HMGB1: variants seen among roughly 807,000 people sequenced by gnomAD.
HMGB1 encodes the protein high mobility group box 1.
For synonymous variants in HMGB1, 81 were observed against 84.0 expected, an observed-to-expected ratio of 0.96 and a Z score of 0.19; for missense variants, 79 against 253.5, an observed-to-expected ratio of 0.31 and a Z score of 4.67.
intron 1 of HMGB1, among the ~76,000 whole-genome samples, chr13:30,612,700 C>A (rs1950523529): frequency 1.3e-5 from 2 of 152,172 alleles, no homozygotes; most frequent in South Asian, 4.1e-4. Flanking sequence ...ATCAATTCAC[C>A]CTGAAGTGAC....
At chr13:30,591,775 C>T (rs1871384068) in intron 1 of HMGB1, among the ~76,000 whole-genome samples, 1 of 151,990 alleles carries the variant, frequency 6.6e-6, no homozygotes. Flanking sequence ...CATGCCTGGC[C>T]ACAACAGGGA....
At chr13:30,492,986 C>A (rs1887532694) in intron 1 of HMGB1, among the ~76,000 whole-genome samples, 1 of 112,404 alleles carries the variant, frequency 8.9e-6, no homozygotes, top group Non-Finnish European at 1.7e-5. Context: ...CGAAGTGAGA[C>A]TACATCTCAA....
chr13:30,594,812 T>C (rs1593334374), intron 1 of HMGB1, among the ~76,000 whole-genome samples: 1 of 152,164 alleles, frequency 6.6e-6, no homozygotes, highest in South Asian at 2.1e-4. Context: ...GTAGAACTAA[T>C]TTGCATTCCC....
chr13:30,608,495 A>G (rs184200588), intron 1 of HMGB1, among the ~76,000 whole-genome samples: 1 of 152,310 alleles, frequency 6.6e-6, no homozygotes, highest in Admixed American at 6.5e-5. Flanking sequence ...TTACCGTAAT[A>G]TTCATGGCTG....
chr13:30,491,202 G>T (rs1241682061), intron 1 of HMGB1, among the ~76,000 whole-genome samples: 1 of 151,842 alleles, frequency 6.6e-6, no homozygotes, highest in Non-Finnish European at 1.5e-5. Context: ...CTAATTTTTT[G>T]TATTTTTAGT....
chr13:30,587,732 G>C (rs143075684), intron 1 of HMGB1, among the ~76,000 whole-genome samples: 1 of 152,010 alleles, frequency 6.6e-6, no homozygotes, highest in Non-Finnish European at 1.5e-5. Flanking sequence ...ATTCTCATAG[G>C]GCTATTATAA....
At chr13:30,560,052 AATT>A (rs1333736383) in intron 1 of HMGB1, among the ~76,000 whole-genome samples, 5 of 152,268 alleles carry the variant, frequency 3.3e-5, no homozygotes, top group Non-Finnish European at 2.9e-5. Context: ...TGATTTGTGT[AATT>A]ATTTGATTGT....
At chr13:30,497,023 T>C (rs1887623485) in intron 1 of HMGB1, among the ~76,000 whole-genome samples, 2 of 152,194 alleles carry the variant, frequency 1.3e-5, no homozygotes, top group South Asian at 4.2e-4. Flanking sequence ...CAGCCTTCAG[T>C]CTTTCTCCCC....
chr13:30,492,645 T>C (rs1422004835), intron 1 of HMGB1, among the ~76,000 whole-genome samples: 1 of 152,154 alleles, frequency 6.6e-6, no homozygotes, highest in Non-Finnish European at 1.5e-5. Context: ...GTACAACTGC[T>C]GATAGGAATG....
At chr13:30,521,474 T>G (rs570797158) in intron 1 of HMGB1, among the ~76,000 whole-genome samples, 24 of 152,324 alleles carry the variant, frequency 1.6e-4, no homozygotes, top group African/African-American at 5.8e-4. Flanking sequence ...TTGCAATATG[T>G]GGTCTTTTGT....
intron 1 of HMGB1, among the ~76,000 whole-genome samples, chr13:30,607,779 C>G (rs538708128): frequency 6.6e-6 from 1 of 152,268 alleles, no homozygotes; most frequent in East Asian, 1.9e-4. Flanking sequence ...TGGACATATT[C>G]TCACAGCCTA....
At chr13:30,572,324 T>C (rs1870472235) in intron 1 of HMGB1, among the ~76,000 whole-genome samples, 1 of 152,250 alleles carries the variant, frequency 6.6e-6, no homozygotes, top group African/African-American at 2.4e-5. Flanking sequence ...CAGTTACATT[T>C]TGTAATGACA....
At chr13:30,585,369 T>C (rs988660889) in intron 1 of HMGB1, among the ~76,000 whole-genome samples, 1 of 151,890 alleles carries the variant, frequency 6.6e-6, no homozygotes, top group African/African-American at 2.4e-5. Flanking sequence ...CCCAATGCAT[T>C]GCTGAAATGT....
Position 30,529,028 on chromosome 13 carries a change from C to CAAAAAAAAA in HMGB1, c.-14-65343_-14-65335dup, listed in dbSNP as rs59654057. Reference sequence around the variant, plus strand: ...TGGGCGACAGGGCGAGACTGCGTCTCAAAAAAAAAAAAAAAAAAAAAAAAA... The same window carrying CAAAAAAAAA: ...TGGGCGACAGGGCGAGACTGCGTCTCAAAAAAAAAAAAAAAAAAAAAAAAAAAAAAAAAA... On this transcript the variant is annotated intron_variant, in intron 1 of 4. Coordinates refer to the HMGB1 transcript ENST00000405805. Among the ~76,000 whole-genome samples the CAAAAAAAAA allele has an allele frequency of 2.4e-3, 128 of 53,548 alleles. 6 individuals are homozygous for CAAAAAAAAA. The highest frequency in any genetic ancestry group is 8.8e-3 in the African/African-American group (126 of 14,296). The allele number at this position is 53,548 out of a possible 152,430, so 35.1% of individuals were successfully genotyped here. A position where few individuals can be genotyped will look rare whatever the true frequency, so the allele number is the denominator to read the frequency against.
intron 1 of HMGB1, among the ~76,000 whole-genome samples, chr13:30,525,221 T>C (rs1387557095): frequency 1.3e-5 from 2 of 152,244 alleles, no homozygotes; most frequent in African/African-American, 4.8e-5. Flanking sequence ...AAATGATCAT[T>C]CAGCACAGTG....
At chr13:30,539,290 C>G (rs1028088634) in intron 1 of HMGB1, among the ~76,000 whole-genome samples, 2 of 152,196 alleles carry the variant, frequency 1.3e-5, no homozygotes, top group Admixed American at 1.3e-4. Flanking sequence ...ATGGCAGCTC[C>G]ATCAGGCATT....
chr13:30,588,455 C>A (rs950592454), intron 1 of HMGB1, among the ~76,000 whole-genome samples: 1 of 151,948 alleles, frequency 6.6e-6, no homozygotes, highest in Non-Finnish European at 1.5e-5. Context: ...CAGGACTGAG[C>A]GTGAAATGTT....
chr13:30,553,724 G>A, intron 1 of HMGB1: 1 of 1,185,862 alleles, frequency 8.4e-7, no homozygotes, highest in Admixed American at 1.7e-5. Flanking sequence ...AGCATCGCTG[G>A]CAGCTGCCGT....
chr13:30,486,948 G>A (rs1451092238), intron 1 of HMGB1, among the ~76,000 whole-genome samples: 1 of 152,196 alleles, frequency 6.6e-6, no homozygotes, highest in East Asian at 1.9e-4. Context: ...GGGTGCGGGA[G>A]GGGAATAAAA....
Sources: gnomAD v4.1 joint callset for allele counts (sites outside exome capture counted in the v4.1 genomes callset) on GRCh38, gnomAD v4.1.1 for gene constraint, MANE v1.5 for transcripts, NCBI Gene and HGNC (gene_info 2026-07-23, HGNC 2026-07-21) for gene names.